FYB2: variants seen among roughly 807,000 people sequenced by gnomAD.
FYB2 encodes the protein FYN-binding protein 2.
In FYB2, 103 loss-of-function variants were observed where a neutral mutation model predicts 94.1. The observed-to-expected ratio is 1.09, with a 90% CI of 0.93 to 1.29. FYB2 has a LOEUF of 1.29. Ranked by LOEUF, FYB2 falls within the 50% of genes most tolerant of loss-of-function variation. The pLI, the probability that FYB2 is intolerant of heterozygous loss-of-function variation, is 0.00. For synonymous variants in FYB2, 293 were observed against 287.9 expected, an observed-to-expected ratio of 1.02 and a Z score of -0.18; for missense variants, 896 against 841.5, an observed-to-expected ratio of 1.06 and a Z score of -0.80.
intron 1 of FYB2, among the ~76,000 whole-genome samples, chr1:56,798,415 G>T (rs977864806): frequency 6.6e-6 from 1 of 152,154 alleles, no homozygotes; most frequent in East Asian, 1.9e-4. Context: ...AACAGAAGGG[G>T]TTTATCTCTT....
intron 2 of FYB2, among the ~76,000 whole-genome samples, chr1:56,791,259 T>C (rs1437501051): frequency 7.5e-6 from 1 of 132,604 alleles, no homozygotes; most frequent in East Asian, 2.1e-4. Flanking sequence ...ACAGTCCTTA[T>C]CTTTTTTTTT....
At chr1:56,757,747 TTTC>T (rs1645387881) in intron 6 of FYB2, among the ~76,000 whole-genome samples, 1 of 128,872 alleles carries the variant, frequency 7.8e-6, no homozygotes, top group African/African-American at 3.0e-5. Flanking sequence ...TCTTTCTTTC[TTTC>T]TTTCTTTTCA....
At position 56,720,062 on chromosome 1, in the gene FYB2, G is replaced by GAAAC; in HGVS notation, c.2132-11_2132-8dup. The stretch of plus-strand genomic sequence containing the variant: ...TCAATGAGCACATATCCATCTAATA[G>GAAAC]AAACAAAAGTCACCGTTAATTTGAA... On this transcript the variant is annotated splice_region_variant and splice_polypyrimidine_tract_variant and intron_variant, in intron 18 of 19. Coordinates refer to ENST00000343433, the MANE Select transcript of FYB2 (RefSeq NM_001004303.5). 6.3e-7 allele frequency: 1 copy of GAAAC among 1,599,796 alleles called. No homozygotes were observed. Among genetic ancestry groups the GAAAC allele is most frequent in the Non-Finnish European group, 8.5e-7 (1 of 1,175,144 alleles).
chr1:56,720,118 T>A, intron 18 of FYB2, 55 bp downstream of exon 18: 1 of 1,585,160 alleles, frequency 6.3e-7, no homozygotes, highest in Admixed American at 1.9e-5. Flanking sequence ...TTTAAAGCAT[T>A]TTAAGATTTT....
chr1:56,719,485 A>T lies in FYB2; in HGVS notation c.*186T>A. ...AGACATTGAAAGATAACCTTTTAGG[A>T]GTAAAACCAACATCTAAATGTTGAG... On this transcript the variant is annotated 3_prime_UTR_variant, in exon 20 of 20. Coordinates refer to ENST00000343433, the MANE Select transcript of FYB2 (RefSeq NM_001004303.5). 1 of 551,362 alleles carries T rather than the reference A, an allele frequency of 1.8e-6. No individual in the cohort carries two copies. The highest frequency in any genetic ancestry group is 3.0e-5 in the East Asian group (1 of 33,880). 34.2% of individuals were successfully genotyped at this position (551,362 alleles called of 1,614,324 possible). A position where few individuals can be genotyped will look rare whatever the true frequency, so the allele number is the denominator to read the frequency against.
intron 1 of FYB2, among the ~76,000 whole-genome samples, chr1:56,810,399 C>CCT (rs578038369): frequency 0.021 from 3,206 of 151,648 alleles, 121 homozygotes; most frequent in African/African-American, 0.074. Context: ...CCCTCACTCC[C>CCT]CTGTTTCCCA....
intron 3 of FYB2, among the ~76,000 whole-genome samples, 183 bp from the exon 4 acceptor site, chr1:56,787,391 A>T (rs1646156623): frequency 6.6e-6 from 1 of 152,116 alleles, no homozygotes; most frequent in South Asian, 2.1e-4. Flanking sequence ...TGCAGCACTC[A>T]CCCACACTTT....
intron 4 of FYB2, among the ~76,000 whole-genome samples, chr1:56,774,068 T>C (rs1446823805): frequency 6.6e-6 from 1 of 152,174 alleles, no homozygotes; most frequent in African/African-American, 2.4e-5. Context: ...GATCTCAAAA[T>C]TCATTTGTGC....
intron 4 of FYB2, among the ~76,000 whole-genome samples, chr1:56,778,484 CA>C (rs1304564594): frequency 6.6e-6 from 1 of 152,106 alleles, no homozygotes; most frequent in Non-Finnish European, 1.5e-5. Context: ...GATGCTCATA[CA>C]AAAACACTGG....
intron 1 of FYB2, among the ~76,000 whole-genome samples, chr1:56,809,650 C>T (rs1264184101): frequency 1.3e-5 from 2 of 152,158 alleles, no homozygotes; most frequent in East Asian, 1.9e-4. Flanking sequence ...GTGGCCACTC[C>T]CTGTGCTCCT....
intron 4 of FYB2, among the ~76,000 whole-genome samples, chr1:56,775,991 A>G (rs1279958925): frequency 6.6e-6 from 1 of 152,200 alleles, no homozygotes; most frequent in Non-Finnish European, 1.5e-5. Flanking sequence ...GAGGCATTCT[A>G]CAGTTGAGGA....
chr1:56,801,322 A>G (rs1354174372), intron 1 of FYB2, among the ~76,000 whole-genome samples: 1 of 152,060 alleles, frequency 6.6e-6, no homozygotes, highest in Non-Finnish European at 1.5e-5. Flanking sequence ...TTCTTCCTCA[A>G]TAAGACCAAC....
At position 56,756,067 on chromosome 1, in the gene FYB2, CAG is replaced by C. The variant is rs879191778; in HGVS notation, c.1099-142_1099-141del. ...AGAGAGCAAAGGCAGACACTGACCA[CAG>C]AAAGTTCCAGGAACTGTTGCAGTGG... On this transcript the variant is annotated intron_variant, in intron 6 of 19. Coordinates refer to ENST00000343433, the MANE Select transcript of FYB2 (RefSeq NM_001004303.5). 2.1e-5 allele frequency: 14 copies of C among 660,106 alleles called. No individual in the cohort carries two copies. In the South Asian group the frequency reaches 3.3e-4, roughly 15 times the overall value. The allele number at this position is 660,106 out of a possible 1,614,324, so 40.9% of individuals were successfully genotyped here.
At chr1:56,799,280 CCTTT>C (rs1252272839) in intron 1 of FYB2, among the ~76,000 whole-genome samples, 1 of 151,046 alleles carries the variant, frequency 6.6e-6, no homozygotes, top group African/African-American at 2.4e-5. Flanking sequence ...GACAAATATA[CCTTT>C]CTTATAAATT....
chr1:56,741,046 A>G (rs537040483), intron 12 of FYB2, among the ~76,000 whole-genome samples: 1 of 152,218 alleles, frequency 6.6e-6, no homozygotes, highest in Non-Finnish European at 1.5e-5. Flanking sequence ...TGGGTAGACT[A>G]GAAGCCCATA....
intron 9 of FYB2, 134 bp downstream of exon 9, chr1:56,750,910 T>A: frequency 2.0e-6 from 2 of 1,024,200 alleles, no homozygotes; most frequent in Non-Finnish European, 2.8e-6. Flanking sequence ...CTGCACAGCT[T>A]CCTCACTAGG....
chr1:56,786,183 A>C (rs534859487), intron 4 of FYB2, among the ~76,000 whole-genome samples: 7 of 152,354 alleles, frequency 4.6e-5, no homozygotes, highest in African/African-American at 1.7e-4. Flanking sequence ...AAAGTTGCCT[A>C]GATAGCCTGC....
chr1:56,767,981 CAT>C, intron 4 of FYB2, 43 bp from the exon 5 acceptor site: 1 of 1,422,808 alleles, frequency 7.0e-7, no homozygotes. Context: ...TTTTTAAAAA[CAT>C]ATTTTGAAAG....
chr1:56,787,324 G>T, intron 3 of FYB2, 116 bp from the exon 4 acceptor site: 2 of 1,314,642 alleles, frequency 1.5e-6, no homozygotes, highest in Non-Finnish European at 2.2e-6. Flanking sequence ...AAGCTTGCCT[G>T]TGCCTGAAAC....
Sources: allele counts gnomAD v4.1 joint callset (sites outside exome capture counted in the v4.1 genomes callset), GRCh38; gene constraint gnomAD v4.1.1; transcripts MANE v1.5; gene names NCBI Gene and HGNC (gene_info 2026-07-23, HGNC 2026-07-21).